ZNF804B: variants seen among roughly 807,000 people sequenced by gnomAD.
ZNF804B encodes zinc finger 804B.
In ZNF804B, 80 loss-of-function variants were observed where a neutral mutation model predicts 101.4. That is an observed-to-expected ratio of 0.79 (90% CI 0.66 to 0.95). ZNF804B has a LOEUF of 0.95. Among genes scored for constraint, ZNF804B ranks in the 40% least tolerant of loss-of-function variants. The pLI, the probability that ZNF804B is intolerant of heterozygous loss-of-function variation, is 0.00. For missense variants in ZNF804B, 1,673 were observed against 1,561.9 expected (o/e 1.07, Z -1.20); for synonymous variants, 622 against 558.8 (o/e 1.11, Z -1.59).
At chr7:89,037,947 T>C (rs1291680543) in intron 1 of ZNF804B, among the ~76,000 whole-genome samples, 2 of 152,154 alleles carry the variant, frequency 1.3e-5, no homozygotes, top group Non-Finnish European at 2.9e-5. Flanking sequence ...TAGCATAATG[T>C]CTTACAGGTT....
intron 1 of ZNF804B, among the ~76,000 whole-genome samples, chr7:88,955,759 T>C (rs1793296326): frequency 6.6e-6 from 1 of 151,544 alleles, no homozygotes; most frequent in African/African-American, 2.4e-5. Context: ...GAGACTATAT[T>C]AAACTAAAAG....
At chr7:89,239,435 C>A (rs1427063854) in intron 2 of ZNF804B, among the ~76,000 whole-genome samples, 1 of 152,106 alleles carries the variant, frequency 6.6e-6, no homozygotes, top group Non-Finnish European at 1.5e-5. Flanking sequence ...TCAGCTTTTT[C>A]TCATGGGTTT....
At chr7:89,287,538 T>A (rs1790223783) in intron 2 of ZNF804B, among the ~76,000 whole-genome samples, 1 of 152,192 alleles carries the variant, frequency 6.6e-6, no homozygotes, top group South Asian at 2.1e-4. Context: ...GACTATTAAA[T>A]AAACTAATGG....
intron 1 of ZNF804B, among the ~76,000 whole-genome samples, chr7:89,177,891 C>T (rs181360721): frequency 1.7e-4 from 26 of 151,562 alleles, no homozygotes; most frequent in Middle Eastern, 7.0e-3. Flanking sequence ...GCCGACACAG[C>T]GCCACTGCAC....
rs542147310 is a variant in ZNF804B at position 88,836,810 on chromosome 7, C to T, written c.108+76726C>T. On this transcript the variant is annotated intron_variant, in intron 1 of 3. Transcript: ENST00000333190. The stretch of plus-strand genomic sequence containing the variant: ...AGTCTCCTCACCTTTGGAAGTCCAT[C>T]AGCCTTATTCAGAGGAGTGAACAGG... 1.3e-4 allele frequency among the ~76,000 whole-genome samples: 20 copies of T among 152,022 alleles called. 1 individual carries two copies. Among genetic ancestry groups the T allele is most frequent in the Admixed American group, 4.6e-4 (7 of 15,236 alleles).
At chr7:89,236,504 A>G (rs1789283592) in intron 2 of ZNF804B, among the ~76,000 whole-genome samples, 1 of 152,156 alleles carries the variant, frequency 6.6e-6, no homozygotes. Context: ...AATAATTCTC[A>G]AGGCAATTAA....
intron 1 of ZNF804B, among the ~76,000 whole-genome samples, chr7:89,208,086 T>TC (rs200489325): frequency 2.4e-4 from 36 of 149,428 alleles, no homozygotes; most frequent in Admixed American, 4.7e-4. Context: ...TATTGGGTTT[T>TC]TTTTTTTTTT....
At chr7:88,853,807 A>G (rs1791480904) in intron 1 of ZNF804B, among the ~76,000 whole-genome samples, 1 of 152,128 alleles carries the variant, frequency 6.6e-6, no homozygotes. Flanking sequence ...AACCATAGAT[A>G]TTAAGATGGT....
At chr7:88,897,001 G>A (rs1466746750) in intron 1 of ZNF804B, among the ~76,000 whole-genome samples, 4 of 152,292 alleles carry the variant, frequency 2.6e-5, no homozygotes, top group African/African-American at 9.6e-5. Flanking sequence ...CAAAGGCTGT[G>A]CATGGATAAT....
chr7:88,984,736 G>A (rs1348049922), intron 1 of ZNF804B, among the ~76,000 whole-genome samples: 1 of 151,940 alleles, frequency 6.6e-6, no homozygotes, highest in East Asian at 1.9e-4. Flanking sequence ...TAACAAGGTA[G>A]GCAGTATATT....
intron 2 of ZNF804B, among the ~76,000 whole-genome samples, chr7:89,316,631 G>C (rs1188988017): frequency 6.6e-6 from 1 of 152,156 alleles, no homozygotes; most frequent in African/African-American, 2.4e-5. Flanking sequence ...GAACATGCTA[G>C]ATGTTCTACA....
intron 1 of ZNF804B, among the ~76,000 whole-genome samples, chr7:89,197,545 T>C (rs1010999992): frequency 7.9e-5 from 12 of 152,014 alleles, no homozygotes; most frequent in African/African-American, 2.9e-4. Flanking sequence ...ATTTTGTATA[T>C]ACTATAAGAG....
At chr7:88,978,305 A>G (rs1793646676) in intron 1 of ZNF804B, among the ~76,000 whole-genome samples, 1 of 151,900 alleles carries the variant, frequency 6.6e-6, no homozygotes, top group South Asian at 2.1e-4. Flanking sequence ...AATCTATCCA[A>G]TGCTGAAAGT....
intron 1 of ZNF804B, among the ~76,000 whole-genome samples, chr7:88,799,129 T>C (rs1195431084): frequency 6.6e-6 from 1 of 152,102 alleles, no homozygotes; most frequent in Non-Finnish European, 1.5e-5. Context: ...TTACTATTAC[T>C]GATATACTTA....
intron 1 of ZNF804B, among the ~76,000 whole-genome samples, chr7:88,885,200 A>G (rs1186134881): frequency 2.0e-5 from 3 of 151,954 alleles, no homozygotes; most frequent in South Asian, 2.1e-4. Flanking sequence ...GTTGGGCATT[A>G]TATTACATTA....
chr7:88,934,025 A>T (rs1049192573), intron 1 of ZNF804B, among the ~76,000 whole-genome samples: 8 of 151,972 alleles, frequency 5.3e-5, no homozygotes, highest in Non-Finnish European at 7.4e-5. Flanking sequence ...ACTATACTAC[A>T]TGGCTATAGT....
chr7:89,320,295 T>A (rs1046763307), intron 2 of ZNF804B, among the ~76,000 whole-genome samples: 1 of 152,054 alleles, frequency 6.6e-6, no homozygotes, highest in Admixed American at 6.6e-5. Flanking sequence ...AAAGTAATGA[T>A]ATACAACAAA....
At chr7:88,777,280 G>A (rs1278051005) in intron 1 of ZNF804B, among the ~76,000 whole-genome samples, 2 of 152,156 alleles carry the variant, frequency 1.3e-5, no homozygotes, top group Non-Finnish European at 2.9e-5. Flanking sequence ...ACTCATGAGC[G>A]CTAAGATGCT....
At chr7:88,795,926 A>G (rs1790475158) in intron 1 of ZNF804B, among the ~76,000 whole-genome samples, 1 of 152,150 alleles carries the variant, frequency 6.6e-6, no homozygotes, top group African/African-American at 2.4e-5. Flanking sequence ...AGTCAGACAG[A>G]TGGTGAGAAT....
Sources: allele counts gnomAD v4.1 joint callset (sites outside exome capture counted in the v4.1 genomes callset), GRCh38; gene constraint gnomAD v4.1.1; transcripts MANE v1.5; gene names NCBI Gene and HGNC (gene_info 2026-07-23, HGNC 2026-07-21).